Variants in PDE11A observed in about 807,000 individuals in gnomAD.
The protein encoded by PDE11A is phosphodiesterase 11A, also known as dual 3',5'-cyclic-AMP and -GMP phosphodiesterase 11A.
Under a neutral mutation model 100.5 loss-of-function variants are expected in PDE11A, and 100 were observed. The observed-to-expected ratio is 1.00, with a 90% CI of 0.85 to 1.18. PDE11A has a LOEUF of 1.18. PDE11A is among the 50% of genes most tolerant of loss of function. The probability of loss-of-function intolerance (pLI) is 0.00; values close to 1 mark genes in which losing one functional copy is unlikely to be tolerated. For synonymous variants in PDE11A, 381 were observed against 420.8 expected (o/e 0.91, Z 1.16); for missense variants, 1,141 against 1,152.6 (o/e 0.99, Z 0.15).
intron 2 of PDE11A, among the ~76,000 whole-genome samples, chr2:177,925,027 A>G (rs1418869520): frequency 1.3e-5 from 2 of 149,932 alleles, no homozygotes; most frequent in Non-Finnish European, 3.0e-5. Context: ...ATGATTTCCA[A>G]TTTCATCCAT....
intron 10 of PDE11A, among the ~76,000 whole-genome samples, chr2:177,748,461 T>A (rs2081983563): frequency 6.6e-6 from 1 of 152,224 alleles, no homozygotes; most frequent in Non-Finnish European, 1.5e-5. Context: ...AAGCCCTTTT[T>A]CTATCTTATC....
At chr2:177,652,580 G>A (rs1253298705) in intron 19 of PDE11A, among the ~76,000 whole-genome samples, 5 of 152,152 alleles carry the variant, frequency 3.3e-5, no homozygotes, top group Non-Finnish European at 7.4e-5. Flanking sequence ...TGCTTTGGGA[G>A]GATAGCTCTG....
At chr2:178,084,173 G>A (rs936354244) in intron 2 of PDE11A, among the ~76,000 whole-genome samples, 7 of 152,186 alleles carry the variant, frequency 4.6e-5, no homozygotes, top group African/African-American at 1.4e-4. Context: ...AAAATCCAAA[G>A]AGGACTTTTA....
intron 17 of PDE11A, among the ~76,000 whole-genome samples, chr2:177,672,072 C>T (rs1296887996): frequency 3.9e-5 from 6 of 152,138 alleles, no homozygotes; most frequent in Non-Finnish European, 8.8e-5. Flanking sequence ...CACTTTTTCC[C>T]AATACCTGGA....
intron 2 of PDE11A, 103 bp downstream of exon 2, chr2:178,014,198 TG>T: frequency 1.2e-6 from 1 of 864,872 alleles, no homozygotes; most frequent in Non-Finnish European, 1.9e-6. Context: ...GATCCATGAA[TG>T]GGCTAATCCA....
chr2:177,947,860 T>C (rs986948319), intron 2 of PDE11A, among the ~76,000 whole-genome samples: 7 of 152,122 alleles, frequency 4.6e-5, no homozygotes, highest in Admixed American at 2.0e-4. Context: ...ATGTATTCAT[T>C]ACAAATTTGA....
At chr2:177,977,840 A>G (rs2085830014) in intron 2 of PDE11A, among the ~76,000 whole-genome samples, 2 of 125,570 alleles carry the variant, frequency 1.6e-5, no homozygotes, top group Admixed American at 1.6e-4. Context: ...TTCCCTATTT[A>G]ATAAATGGTG....
intron 15 of PDE11A, among the ~76,000 whole-genome samples, chr2:177,691,305 T>G (rs944005286): frequency 2.0e-5 from 3 of 152,166 alleles, no homozygotes; most frequent in African/African-American, 7.2e-5. Context: ...ACAAGAAGCC[T>G]CTAATTGCAG....
intron 6 of PDE11A, among the ~76,000 whole-genome samples, chr2:177,829,512 C>T (rs1425336582): frequency 2.6e-5 from 4 of 151,790 alleles, no homozygotes; most frequent in African/African-American, 7.3e-5. Context: ...GGCATGATCT[C>T]GGCTCACTGC....
chr2:177,875,968 T>G, intron 4 of PDE11A, 45 bp from the exon 5 acceptor site: 2 of 1,077,748 alleles, frequency 1.9e-6, no homozygotes, highest in Non-Finnish European at 2.9e-6. Flanking sequence ...TAAAGCTTTA[T>G]TGCCGTTTAA....
chr2:178,020,188 A>T (rs35757742), intron 1 of PDE11A, among the ~76,000 whole-genome samples: 8,667 of 152,308 alleles, frequency 0.057, 294 homozygotes, highest in South Asian at 0.092. Context: ...TTGCATATCA[A>T]TGGTGTTGGC....
chr2:177,839,962 T>C (rs2083462633), intron 6 of PDE11A, among the ~76,000 whole-genome samples: 1 of 152,230 alleles, frequency 6.6e-6, no homozygotes, highest in Admixed American at 6.5e-5. Context: ...TTAGGGTCTA[T>C]TGGGAAATAA....
rs530302245 is a variant in PDE11A, at chr2:177,627,642, T to C, written c.*1765A>G. ...GGGTGGCTCACCTGAGGTCAGGAGT[T>C]TGAGATCAGCCTGGCAAACATGGTG... On this transcript the variant is annotated 3_prime_UTR_variant, in exon 20 of 20. Transcript: ENST00000286063. The C allele has an allele frequency of 6.6e-6, 1 of 152,200 alleles. No individual in the cohort carries two copies. The highest frequency in any genetic ancestry group is 1.5e-5 in the Non-Finnish European group (1 of 68,022). 9.4% of individuals were successfully genotyped at this position (152,200 alleles called of 1,614,324 possible).
chr2:178,014,851 A>C (rs1179516426), intron 1 of PDE11A, among the ~76,000 whole-genome samples: 1 of 147,294 alleles, frequency 6.8e-6, no homozygotes. Flanking sequence ...ATATAGAGCT[A>C]CTTTATTTCT....
intron 19 of PDE11A, among the ~76,000 whole-genome samples, chr2:177,631,184 G>C (rs1294968395): frequency 6.6e-6 from 1 of 151,224 alleles, no homozygotes; most frequent in Non-Finnish European, 1.5e-5. Flanking sequence ...TATGGCTCAT[G>C]CCTGTAATCC....
chr2:177,645,046 A>G (rs895418413), intron 19 of PDE11A, among the ~76,000 whole-genome samples: 5 of 152,226 alleles, frequency 3.3e-5, no homozygotes, highest in South Asian at 2.1e-4. Context: ...TGTCTTTATT[A>G]GCAGTGTGAA....
At chr2:177,772,087 T>A (rs561235766) in intron 9 of PDE11A, among the ~76,000 whole-genome samples, 4 of 152,320 alleles carry the variant, frequency 2.6e-5, no homozygotes, top group Admixed American at 2.6e-4. Flanking sequence ...AGTTTCTTTG[T>A]GTTAAGTAAT....
At chr2:177,684,607 C>T (rs2105511597) in intron 15 of PDE11A, among the ~76,000 whole-genome samples, 2 of 152,218 alleles carry the variant, frequency 1.3e-5, no homozygotes, top group South Asian at 4.2e-4. Context: ...ACATGACTGA[C>T]CTTGAGTAGG....
chr2:177,765,098 C>T (rs771254359), intron 10 of PDE11A, among the ~76,000 whole-genome samples: 43 of 152,196 alleles, frequency 2.8e-4, no homozygotes, highest in Admixed American at 9.8e-4. Flanking sequence ...CCCATTCTCC[C>T]ACCCATCACT....
Sources: allele counts gnomAD v4.1 joint callset (sites outside exome capture counted in the v4.1 genomes callset), GRCh38; gene constraint gnomAD v4.1.1; transcripts MANE v1.5; gene names NCBI Gene and HGNC (gene_info 2026-07-23, HGNC 2026-07-21).